Variants in CFAP47 observed in about 807,000 individuals in gnomAD.
The protein encoded by CFAP47 is cilia and flagella associated protein 47, also known as cilia- and flagella-associated protein 47.
In CFAP47, 29 loss-of-function variants were observed where a neutral mutation model predicts 148.1. That is an observed-to-expected ratio of 0.20 (90% CI 0.15 to 0.27). CFAP47 has a LOEUF of 0.27. Ranked by LOEUF, CFAP47 falls within the 10% of genes least tolerant of loss-of-function variation. CFAP47 has a pLI of 1.00. For missense variants in CFAP47, 1,872 were observed against 1,697.5 expected (o/e 1.10, Z -1.81); for synonymous variants, 664 against 577.3 (o/e 1.15, Z -2.15).
At chrX:36,134,055 A>T (rs1482538817) in intron 33 of CFAP47, among the ~76,000 whole-genome samples, 1 of 111,070 alleles carries the variant, frequency 9.0e-6, no homozygotes, top group Non-Finnish European at 1.9e-5. Context: ...TATACCATTT[A>T]ACATAGAAGA....
At chrX:36,184,731 C>T (rs999520435) in intron 40 of CFAP47, among the ~76,000 whole-genome samples, 2 of 111,110 alleles carry the variant, frequency 1.8e-5, no homozygotes, top group Non-Finnish European at 3.8e-5. Flanking sequence ...GTCGGGAGTT[C>T]GAGACCAGCC....
intron 26 of CFAP47, 117 bp from the exon 27 acceptor site, chrX:36,065,522 TAGAA>T (rs986827734): frequency 4.4e-6 from 2 of 450,351 alleles, no homozygotes; most frequent in Admixed American, 8.6e-5. Context: ...ACAAAGTAAG[TAGAA>T]AGAAAAAATG....
rs910595340 is a variant in CFAP47, at chrX:36,150,120, T to C, written c.5786+897T>C. On this transcript the variant is annotated intron_variant, in intron 37 of 63. Transcript: ENST00000378653. ...TGGATAGACAGATAGATGATATATATACATGTAAATATACTCCCAAATTTT... is the reference window on the plus strand; with the variant it reads ...TGGATAGACAGATAGATGATATATACACATGTAAATATACTCCCAAATTTT... Among the ~76,000 whole-genome samples the C allele has an allele frequency of 2.7e-5, 3 of 111,179 alleles. No homozygotes were observed. The Admixed American group carries it at 2.9e-4, about 11-fold the overall frequency.
chrX:36,292,975 T>A (rs1556005811), intron 51 of CFAP47, among the ~76,000 whole-genome samples: 2 of 111,314 alleles, frequency 1.8e-5, no homozygotes, highest in Non-Finnish European at 3.8e-5. Flanking sequence ...TAATGTATAA[T>A]ATGTATATAC....
At chrX:36,044,689 G>A (rs1297081447) in intron 25 of CFAP47, among the ~76,000 whole-genome samples, 2 of 111,114 alleles carry the variant, frequency 1.8e-5, no homozygotes, top group Non-Finnish European at 3.8e-5. Flanking sequence ...CATCATTTTG[G>A]TCAAAACCAT....
intron 2 of CFAP47, among the ~76,000 whole-genome samples, chrX:35,930,187 GATC>G (rs1433292300): frequency 1.8e-5 from 2 of 110,902 alleles, no homozygotes; most frequent in East Asian, 2.8e-4. Flanking sequence ...CAACTTACAT[GATC>G]ATATTTTTTT....
intron 3 of CFAP47, among the ~76,000 whole-genome samples, chrX:35,943,219 A>G (rs1394834049): frequency 2.7e-5 from 3 of 112,181 alleles, no homozygotes; most frequent in East Asian, 5.6e-4. Context: ...AGATTCAGCC[A>G]TCAAAGTTGA....
intron 32 of CFAP47, among the ~76,000 whole-genome samples, chrX:36,100,829 C>T (rs1044182029): frequency 4.5e-5 from 5 of 111,742 alleles, no homozygotes; most frequent in Non-Finnish European, 7.5e-5. Flanking sequence ...GTGTCACAGG[C>T]GCACATTCTT....
chrX:36,177,884 A>G (rs1445682932), intron 39 of CFAP47, among the ~76,000 whole-genome samples: 1 of 111,756 alleles, frequency 8.9e-6, no homozygotes, highest in East Asian at 2.8e-4. Context: ...ATGCACTCGT[A>G]TGTTCATTGC....
At chrX:35,968,938 A>G (rs1206744061) in intron 10 of CFAP47, among the ~76,000 whole-genome samples, 1 of 108,503 alleles carries the variant, frequency 9.2e-6, no homozygotes, top group East Asian at 2.8e-4. Context: ...TACTTTTTTC[A>G]ACTCTTTCTT....
intron 60 of CFAP47, among the ~76,000 whole-genome samples, chrX:36,354,378 G>T (rs1941768505): frequency 9.4e-6 from 1 of 106,924 alleles, no homozygotes; most frequent in African/African-American, 3.4e-5. Context: ...CTTCTTGGGA[G>T]GCTGAGGCAG....
chrX:36,214,127 A>ATGTAG (rs1940133166), intron 45 of CFAP47, among the ~76,000 whole-genome samples: 1 of 112,152 alleles, frequency 8.9e-6, no homozygotes, highest in Admixed American at 9.5e-5. Flanking sequence ...GCTATATGGT[A>ATGTAG]CAACCTGTTG....
chrX:35,949,097 T>C (rs1936127054), intron 4 of CFAP47, among the ~76,000 whole-genome samples: 1 of 107,105 alleles, frequency 9.3e-6, no homozygotes, highest in African/African-American at 3.5e-5. Flanking sequence ...CCATCACCAG[T>C]ATTTTTAACA....
chrX:36,349,499 G>A (rs1331544925), intron 58 of CFAP47, among the ~76,000 whole-genome samples: 9 of 111,486 alleles, frequency 8.1e-5, no homozygotes, highest in African/African-American at 2.9e-4. Flanking sequence ...CTGACCTCAA[G>A]TGATCCGCCT....
At chrX:36,030,283 T>C (rs950467058) in intron 22 of CFAP47, among the ~76,000 whole-genome samples, 1 of 111,725 alleles carries the variant, frequency 9.0e-6, no homozygotes, top group African/African-American at 3.2e-5. Context: ...GTATAACTTA[T>C]TTGTTTTAAT....
chrX:36,139,430 T>TA (rs984470801), intron 35 of CFAP47, among the ~76,000 whole-genome samples: 10 of 111,462 alleles, frequency 9.0e-5, no homozygotes, highest in African/African-American at 3.3e-4. Context: ...AATATCAGCA[T>TA]AAAAAAATCA....
chrX:36,046,779 A>C (rs2146733285), intron 25 of CFAP47, 75 bp from the exon 26 acceptor site: 1 of 648,499 alleles, frequency 1.5e-6, no homozygotes, highest in Admixed American at 4.1e-5. Flanking sequence ...GGATTCAAAA[A>C]AATGAAATAT....
intron 62 of CFAP47, chrX:36,375,280 A>G (rs970262913): frequency 1.8e-5 from 3 of 171,271 alleles, no homozygotes; most frequent in South Asian, 2.1e-4. Context: ...TTGATTTCCT[A>G]TTTGACCTAT....
At chrX:36,334,877 G>T (rs1223718370) in intron 57 of CFAP47, among the ~76,000 whole-genome samples, 1 of 110,101 alleles carries the variant, frequency 9.1e-6, no homozygotes, top group African/African-American at 3.3e-5. Context: ...CTCTAAAAAT[G>T]TTGGAGTATT....
Sources: allele counts gnomAD v4.1 joint callset (sites outside exome capture counted in the v4.1 genomes callset), GRCh38; gene constraint gnomAD v4.1.1; transcripts MANE v1.5; gene names NCBI Gene and HGNC (gene_info 2026-07-23, HGNC 2026-07-21).